The following RNF216 variants were observed in gnomAD, a reference collection of about 807,000 sequenced individuals.
RNF216 encodes the protein E3 ubiquitin-protein ligase RNF216.
Under a neutral mutation model 110.8 loss-of-function variants are expected in RNF216, and 72 were observed. That is an observed-to-expected ratio of 0.65 (90% CI 0.54 to 0.79). The LOEUF (loss-of-function observed/expected upper bound fraction) is 0.79. Ranked by LOEUF, RNF216 falls within the 30% of genes least tolerant of loss-of-function variation. The probability of loss-of-function intolerance (pLI) is 0.00; values close to 1 mark genes in which losing one functional copy is unlikely to be tolerated. For synonymous variants in RNF216, 495 were observed against 407.5 expected (o/e 1.21, Z -2.59); for missense variants, 1,342 against 1,141.2 (o/e 1.18, Z -2.54).
intron 1 of RNF216, among the ~76,000 whole-genome samples, chr7:5,769,560 CAACA>C (rs1323162004): frequency 1.4e-4 from 21 of 148,472 alleles, no homozygotes; most frequent in African/African-American, 3.5e-4. Context: ...CTGTCTCTAC[CAACA>C]AACAAACAAA....
At chr7:5,652,074 AAC>A (rs1788425068) in intron 14 of RNF216, among the ~76,000 whole-genome samples, 4 of 152,208 alleles carry the variant, frequency 2.6e-5, no homozygotes, top group African/African-American at 7.2e-5. Flanking sequence ...GTCTCAGGCC[AAC>A]AGTTTCCTAT....
intron 13 of RNF216, among the ~76,000 whole-genome samples, chr7:5,697,475 G>A (rs1791701239): frequency 6.6e-6 from 1 of 152,246 alleles, no homozygotes; most frequent in African/African-American, 2.4e-5. Context: ...AGAAGATGAA[G>A]TGTCAGGCAA....
chr7:5,648,631 G>C (rs1214387174), intron 14 of RNF216, among the ~76,000 whole-genome samples: 2 of 151,818 alleles, frequency 1.3e-5, no homozygotes, highest in Non-Finnish European at 2.9e-5. Context: ...GGGAGGCTGA[G>C]GCAGGAGAAC....
intron 1 of RNF216, among the ~76,000 whole-genome samples, chr7:5,765,344 A>T (rs1036035620): frequency 2.0e-5 from 3 of 151,906 alleles, no homozygotes; most frequent in Admixed American, 6.6e-5. Context: ...GGAATCTGTA[A>T]TCCCAGCTAC....
intron 13 of RNF216, among the ~76,000 whole-genome samples, chr7:5,675,377 C>T (rs1422642204): frequency 1.3e-5 from 2 of 152,170 alleles, no homozygotes; most frequent in Non-Finnish European, 2.9e-5. Context: ...TGGCTCATGC[C>T]TGTAAATCCC....
chr7:5,643,599 A>T (rs1787874500), intron 14 of RNF216, among the ~76,000 whole-genome samples: 1 of 152,150 alleles, frequency 6.6e-6, no homozygotes. Flanking sequence ...ATGGTGGCAT[A>T]AGCCATGCCC....
rs942562518 is a variant in RNF216, at chr7:5,639,884, T to C, written c.2382+1270A>G. 2.6e-5 allele frequency among the ~76,000 whole-genome samples: 4 copies of C among 151,086 alleles called. 2 individuals carry two copies. Among genetic ancestry groups the C allele is most frequent in the African/African-American group, 9.9e-5 (4 of 40,562 alleles). ...ACGCCATTCTCCTGCCTCAACCTCC[T>C]GAGTAGCTGGGACTACAGGCGCCTG... On this transcript the variant is annotated intron_variant, in intron 15 of 16. Transcript: ENST00000389902.
chr7:5,762,493 TA>T (rs928038155), intron 1 of RNF216, among the ~76,000 whole-genome samples: 9 of 151,558 alleles, frequency 5.9e-5, no homozygotes, highest in African/African-American at 9.7e-5. Context: ...CCATCTCTAC[TA>T]AAAATTTAAA....
At chr7:5,726,595 C>G (rs550290013) in intron 7 of RNF216, among the ~76,000 whole-genome samples, 1 of 152,128 alleles carries the variant, frequency 6.6e-6, no homozygotes, top group East Asian at 1.9e-4. Context: ...CGGTGGCTCA[C>G]GCCTGTAATC....
At chr7:5,648,961 T>G (rs1312244923) in intron 14 of RNF216, among the ~76,000 whole-genome samples, 1 of 152,196 alleles carries the variant, frequency 6.6e-6, no homozygotes, top group South Asian at 2.1e-4. Context: ...ACTTAAAATT[T>G]CAATTTTAGT....
intron 15 of RNF216, among the ~76,000 whole-genome samples, chr7:5,636,776 C>T (rs117366638): frequency 0.016 from 2,456 of 152,316 alleles, 40 homozygotes; most frequent in Non-Finnish European, 0.029. Flanking sequence ...CCTGACCTTC[C>T]TTTCAAACTT....
intron 3 of RNF216, among the ~76,000 whole-genome samples, chr7:5,747,395 A>AT (rs1487143059): frequency 6.6e-6 from 1 of 152,126 alleles, no homozygotes; most frequent in Non-Finnish European, 1.5e-5. Context: ...GCAGAATATT[A>AT]TTTTCCTGAG....
intron 6 of RNF216, among the ~76,000 whole-genome samples, chr7:5,729,956 TAATAA>T (rs1401189941): frequency 1.3e-5 from 2 of 152,198 alleles, no homozygotes; most frequent in Non-Finnish European, 2.9e-5. Flanking sequence ...CAACAGATCT[TAATAA>T]AGTTAGTTCT....
At chr7:5,731,224 AAC>A (rs764899729) in intron 5 of RNF216, among the ~76,000 whole-genome samples, 70 of 152,366 alleles carry the variant, frequency 4.6e-4, no homozygotes, top group Middle Eastern at 3.4e-3. Flanking sequence ...TACAGTAAAA[AAC>A]AGTCTGCTAA....
At chr7:5,629,179 A>G (rs1288982860) in intron 15 of RNF216, among the ~76,000 whole-genome samples, 1 of 147,168 alleles carries the variant, frequency 6.8e-6, no homozygotes, top group Non-Finnish European at 1.5e-5. Context: ...TGGGTGACAG[A>G]GCAAGACTCT....
chr7:5,759,219 C>T (rs1446523971), intron 2 of RNF216, among the ~76,000 whole-genome samples: 4 of 152,132 alleles, frequency 2.6e-5, no homozygotes, highest in Admixed American at 6.6e-5. Flanking sequence ...CCCCCAGAAG[C>T]AGAGGCCGCT....
intron 15 of RNF216, among the ~76,000 whole-genome samples, chr7:5,629,025 C>T (rs1393096251): frequency 6.6e-6 from 1 of 151,684 alleles, no homozygotes; most frequent in Admixed American, 6.6e-5. Flanking sequence ...CGGTGAAACC[C>T]CATCTCTACT....
intron 1 of RNF216, among the ~76,000 whole-genome samples, chr7:5,774,243 T>C (rs1796655474): frequency 6.6e-6 from 1 of 152,218 alleles, no homozygotes; most frequent in African/African-American, 2.4e-5. Flanking sequence ...CCTAGGCCAA[T>C]TTCCTCATTT....
chr7:5,710,162 C>A (rs1389429892), intron 13 of RNF216, among the ~76,000 whole-genome samples: 1 of 152,148 alleles, frequency 6.6e-6, no homozygotes, highest in East Asian at 1.9e-4. Flanking sequence ...GAGTTCAGGA[C>A]CAGCCTGGCC....
Sources: allele counts gnomAD v4.1 joint callset (sites outside exome capture counted in the v4.1 genomes callset), GRCh38; gene constraint gnomAD v4.1.1; transcripts MANE v1.5; gene names NCBI Gene and HGNC (gene_info 2026-07-23, HGNC 2026-07-21).